Variants in AMD1 observed in about 807,000 individuals in gnomAD.
The protein encoded by AMD1 is adenosylmethionine decarboxylase 1, also known as S-adenosylmethionine decarboxylase proenzyme.
Under a neutral mutation model 40.2 loss-of-function variants are expected in AMD1, and 11 were observed. That is an observed-to-expected ratio of 0.27 (90% CI 0.17 to 0.45). The LOEUF (loss-of-function observed/expected upper bound fraction) is 0.45. Among genes scored for constraint, AMD1 ranks in the 20% least tolerant of loss-of-function variants. The probability of loss-of-function intolerance (pLI) is 1.00; values close to 1 mark genes in which losing one functional copy is unlikely to be tolerated. For synonymous variants in AMD1, 121 were observed against 130.8 expected, an observed-to-expected ratio of 0.93 and a Z score of 0.51; for missense variants, 257 against 410.2, an observed-to-expected ratio of 0.63 and a Z score of 3.23.
chr6:110,882,255 G>C (rs145532276), intron 1 of AMD1, among the ~76,000 whole-genome samples: 1 of 152,164 alleles, frequency 6.6e-6, no homozygotes, highest in South Asian at 2.1e-4. Context: ...AAAGCACTTT[G>C]TCTTTTCCAT....
At position 110,892,631 on chromosome 6, in the gene AMD1, T is replaced by A. The variant is rs1188873771; in HGVS notation, c.616-104T>A. 5.6e-6 allele frequency: 8 copies of A among 1,440,182 alleles called. No homozygotes were observed. The African/African-American group carries it at 1.1e-4, about 20-fold the overall frequency. The allele number at this position is 1,440,182 out of a possible 1,614,324, so 89.2% of individuals were successfully genotyped here. A position where few individuals can be genotyped will look rare whatever the true frequency, so the allele number is the denominator to read the frequency against. On this transcript the variant is annotated intron_variant, in intron 6 of 8. Coordinates refer to ENST00000368885, the MANE Select transcript of AMD1 (RefSeq NM_001634.6). ...TGTTAAGCCTAGTACCCATTAGTTATTTTTCCTGGTCCTCTCCCTTCTCCC... is the reference window on the plus strand; with the variant it reads ...TGTTAAGCCTAGTACCCATTAGTTAATTTTCCTGGTCCTCTCCCTTCTCCC...
chr6:110,884,132 T>TG (rs1236818116), intron 1 of AMD1, among the ~76,000 whole-genome samples: 2 of 152,166 alleles, frequency 1.3e-5, no homozygotes, highest in Non-Finnish European at 2.9e-5. Flanking sequence ...GGCAAATAAG[T>TG]GGGGCAGATG....
intron 1 of AMD1, chr6:110,875,463 G>A (rs1180117544): frequency 9.3e-6 from 4 of 429,262 alleles, no homozygotes; most frequent in Admixed American, 4.5e-5. Context: ...GGAGGAGGCC[G>A]GCGCGGCCGC....
intron 1 of AMD1, among the ~76,000 whole-genome samples, chr6:110,881,718 G>T (rs1021152731): frequency 6.6e-6 from 1 of 151,954 alleles, no homozygotes; most frequent in Non-Finnish European, 1.5e-5. Context: ...CCAACTACTC[G>T]GGAGGCTGGG....
At chr6:110,815,327 C>A in the AMD1 span, 1 of 497,326 alleles carries the variant, frequency 2.0e-6, no homozygotes, top group Non-Finnish European at 3.2e-6. Flanking sequence ...GCAGCCACCT[C>A]CTCCACCTCT....
chr6:110,835,240 A>G, the AMD1 span, among the ~76,000 whole-genome samples: 2 of 150,998 alleles, frequency 1.3e-5, no homozygotes, highest in Non-Finnish European at 3.0e-5. Flanking sequence ...GGATGGTCTC[A>G]ATCTCCTGAC....
the AMD1 span, among the ~76,000 whole-genome samples, chr6:110,847,187 G>T: frequency 1.3e-5 from 2 of 151,910 alleles, no homozygotes; most frequent in Non-Finnish European, 2.9e-5. Flanking sequence ...CTCTTAGGCT[G>T]GAAACTCAGG....
chr6:110,890,225 T>C (rs757455993), intron 3 of AMD1, 29 bp from the exon 4 acceptor site: 1 of 1,476,088 alleles, frequency 6.8e-7, no homozygotes, highest in Non-Finnish European at 9.2e-7. Context: ...AGTCATCTTT[T>C]TTTTTCTTTC....
At chr6:110,876,315 C>T (rs57795717) in intron 1 of AMD1, among the ~76,000 whole-genome samples, 1,731 of 152,340 alleles carry the variant, frequency 0.011, 29 homozygotes, top group African/African-American at 0.039. Flanking sequence ...CGCACGAGTG[C>T]GGCTAGGGTG....
At chr6:110,823,300 C>T in the AMD1 span, among the ~76,000 whole-genome samples, 2 of 152,098 alleles carry the variant, frequency 1.3e-5, no homozygotes, top group East Asian at 3.8e-4. Flanking sequence ...AAAGCATTTC[C>T]CCTGAGAGCT....
chr6:110,860,117 A>G, the AMD1 span, among the ~76,000 whole-genome samples: 2 of 151,960 alleles, frequency 1.3e-5, no homozygotes, highest in African/African-American at 2.4e-5. Context: ...ATGAGCCACC[A>G]TGCCCAGCCC....
At chr6:110,814,897 C>CT in the AMD1 span, 1 of 1,446,338 alleles carries the variant, frequency 6.9e-7, no homozygotes, top group Non-Finnish European at 9.5e-7. Context: ...CCGCGACCCC[C>CT]TCCGCCTCGC....
chr6:110,830,813 G>T, the AMD1 span, among the ~76,000 whole-genome samples: 1 of 152,182 alleles, frequency 6.6e-6, no homozygotes, highest in Admixed American at 6.6e-5. Context: ...ATCAATGCCT[G>T]ATGGTAGTTC....
chr6:110,887,460 TG>T (rs778588812), intron 1 of AMD1, 44 bp from the exon 2 acceptor site: 1 of 1,367,720 alleles, frequency 7.3e-7, no homozygotes, highest in Non-Finnish European at 1.0e-6. Context: ...TATGAGTAGG[TG>T]GGTACTATTG....
chr6:110,884,992 A>C (rs1436114652), intron 1 of AMD1, among the ~76,000 whole-genome samples: 1 of 152,254 alleles, frequency 6.6e-6, no homozygotes, highest in African/African-American at 2.4e-5. Flanking sequence ...TCTAATACTT[A>C]AATCATAGTG....
the AMD1 span, among the ~76,000 whole-genome samples, chr6:110,839,264 T>C: frequency 6.6e-6 from 1 of 152,218 alleles, no homozygotes; most frequent in Non-Finnish European, 1.5e-5. Context: ...AGTTATTCTC[T>C]CTAGGCAAGG....
intron 6 of AMD1, 63 bp from the exon 7 acceptor site, chr6:110,892,672 T>C (rs1157916197): frequency 6.3e-7 from 1 of 1,578,098 alleles, no homozygotes; most frequent in African/African-American, 1.4e-5. Context: ...GGGACTAAAT[T>C]TTGGACTCAA....
chr6:110,892,865 G>A, intron 7 of AMD1, 38 bp downstream of exon 7: 2 of 1,613,448 alleles, frequency 1.2e-6, no homozygotes, highest in East Asian at 2.2e-5. Flanking sequence ...TTATTTAAAT[G>A]TGAATAGTCT....
chr6:110,814,923 C>G, the AMD1 span: 1 of 1,570,142 alleles, frequency 6.4e-7, no homozygotes. Context: ...GGGCACGGCC[C>G]GACTGGGATC....
Sources: gnomAD v4.1 joint callset for allele counts (sites outside exome capture counted in the v4.1 genomes callset) on GRCh38, gnomAD v4.1.1 for gene constraint, MANE v1.5 for transcripts, NCBI Gene and HGNC (gene_info 2026-07-23, HGNC 2026-07-21) for gene names.